Variants in SPTLC3 observed in about 807,000 individuals in gnomAD.
SPTLC3 encodes serine palmitoyltransferase 3.
A neutral mutation model predicts 59.3 loss-of-function variants in SPTLC3; 36 were observed. The ratio of observed to expected loss-of-function variants is 0.61; its 90% CI spans 0.47 to 0.80. SPTLC3 has a LOEUF of 0.80. SPTLC3 is among the 30% of genes least tolerant of loss of function. The pLI is 0.00. For synonymous variants in SPTLC3, 257 were observed against 240.8 expected, an observed-to-expected ratio of 1.07 and a Z score of -0.62; for missense variants, 625 against 685.1, an observed-to-expected ratio of 0.91 and a Z score of 0.98.
intron 1 of SPTLC3, among the ~76,000 whole-genome samples, chr20:13,039,306 G>T (rs1273484469): frequency 6.6e-6 from 1 of 151,988 alleles, no homozygotes; most frequent in Non-Finnish European, 1.5e-5. Context: ...GATGGTAGAT[G>T]CATACATGTT....
At chr20:13,067,008 T>C (rs1179570560) in intron 2 of SPTLC3, among the ~76,000 whole-genome samples, 5 of 112,360 alleles carry the variant, frequency 4.4e-5, no homozygotes, top group Admixed American at 9.4e-5. Context: ...AATGGGTGCA[T>C]TGTTCTGTTA....
chr20:13,064,017 T>C (rs2122544548), intron 2 of SPTLC3, among the ~76,000 whole-genome samples: 1 of 151,396 alleles, frequency 6.6e-6, no homozygotes, highest in South Asian at 2.1e-4. Flanking sequence ...GTTCTTTTCT[T>C]TTCTTTTCTT....
At chr20:13,102,429 G>A (rs1388407856) in intron 6 of SPTLC3, among the ~76,000 whole-genome samples, 2 of 152,202 alleles carry the variant, frequency 1.3e-5, no homozygotes, top group African/African-American at 4.8e-5. Context: ...GTGGTGAAGT[G>A]ACTTAGATAC....
chr20:13,142,906 G>GCC (rs1310227968), intron 9 of SPTLC3, among the ~76,000 whole-genome samples: 2 of 151,182 alleles, frequency 1.3e-5, no homozygotes, highest in Non-Finnish European at 2.9e-5. Flanking sequence ...CAAATACCCC[G>GCC]CCTCTCTCTC....
At chr20:13,063,665 A>ATTTT (rs1373157243) in intron 2 of SPTLC3, among the ~76,000 whole-genome samples, 16 of 150,176 alleles carry the variant, frequency 1.1e-4, no homozygotes, top group African/African-American at 1.7e-4. Context: ...TTATTTATTT[A>ATTTT]TTTTTTGAGA....
intron 9 of SPTLC3, among the ~76,000 whole-genome samples, chr20:13,153,673 G>C (rs2038701132): frequency 6.6e-6 from 1 of 152,134 alleles, no homozygotes; most frequent in Non-Finnish European, 1.5e-5. Context: ...CCCTTCTCTT[G>C]AGTTGATGTT....
intron 2 of SPTLC3, among the ~76,000 whole-genome samples, chr20:13,059,053 G>T (rs1157093684): frequency 3.3e-5 from 5 of 152,198 alleles, no homozygotes; most frequent in African/African-American, 1.2e-4. Flanking sequence ...GGACATCTGG[G>T]CACCAGCAAG....
chr20:13,031,932 C>T (rs1986492356), intron 1 of SPTLC3, among the ~76,000 whole-genome samples: 3 of 152,154 alleles, frequency 2.0e-5, no homozygotes, highest in Admixed American at 6.6e-5. Flanking sequence ...AGGCAAGTTG[C>T]TTAATGTCCT....
At chr20:13,014,075 A>G (rs1985394681) in intron 1 of SPTLC3, among the ~76,000 whole-genome samples, 1 of 152,212 alleles carries the variant, frequency 6.6e-6, no homozygotes, top group African/African-American at 2.4e-5. Context: ...TAAGAGAGTA[A>G]AAATAGAAAC....
chr20:13,143,460 T>C (rs774223923), intron 9 of SPTLC3, among the ~76,000 whole-genome samples: 8 of 152,244 alleles, frequency 5.3e-5, no homozygotes, highest in Non-Finnish European at 1.2e-4. Flanking sequence ...ATCCTTGTCA[T>C]GATTCCCATT....
intron 2 of SPTLC3, 105 bp downstream of exon 2, chr20:13,049,235 A>T (rs767931892): frequency 1.5e-6 from 2 of 1,301,190 alleles, no homozygotes; most frequent in Admixed American, 3.7e-5. Context: ...TGAGGTGCTC[A>T]GGAACTATTC....
At chr20:13,131,333 T>C (rs111291826) in intron 9 of SPTLC3, among the ~76,000 whole-genome samples, 1 of 152,212 alleles carries the variant, frequency 6.6e-6, no homozygotes, top group African/African-American at 2.4e-5. Context: ...TGCTCTGCAG[T>C]GGTGCCCGGC....
chr20:13,074,141 T>A, intron 3 of SPTLC3: 1 of 736,048 alleles, frequency 1.4e-6, no homozygotes, highest in Non-Finnish European at 2.5e-6. Context: ...GCTGAGGGGG[T>A]CTGGATCCTC....
chr20:13,021,745 T>C (rs1164132200), intron 1 of SPTLC3, among the ~76,000 whole-genome samples: 1 of 152,206 alleles, frequency 6.6e-6, no homozygotes, highest in Non-Finnish European at 1.5e-5. Flanking sequence ...TTGTTTGATG[T>C]GCTCTCGTGG....
chr20:13,154,515 G>A (rs530048312), intron 10 of SPTLC3, among the ~76,000 whole-genome samples: 1 of 152,118 alleles, frequency 6.6e-6, no homozygotes, highest in Non-Finnish European at 1.5e-5. Context: ...ATGTGATCAG[G>A]CTCTGTGCTT....
Position 13,048,975 on chromosome 20 carries a change from C to T in SPTLC3, c.148C>T (p.Leu50Phe). 3.2e-6 allele frequency: 5 copies of T among 1,581,640 alleles called. No homozygotes were observed. Among genetic ancestry groups the T allele is most frequent in the Non-Finnish European group, 4.3e-6 (5 of 1,169,318 alleles). The change falls in exon 2 of 12, where the codon CTC becomes TTC. Residue 50 changes from leucine (L) to phenylalanine (F), a missense_variant. Coordinates refer to ENST00000399002, the MANE Select transcript of SPTLC3 (RefSeq NM_018327.4). Reference protein sequence around the residue: ...QNGKPHFYDKLIVESFEEAPL... With the variant: ...QNGKPHFYDKFIVESFEEAPL... ...TGGGAAGCCACATTTTTATGATAAG[C>T]TCATTGTTGAATCGTTTGAGGAAGC...
rs1336064002 is a variant in SPTLC3, at chr20:13,129,550, A to G, written c.1279+2833A>G. Among the ~76,000 whole-genome samples, 3 of 152,382 alleles carry G rather than the reference A, an allele frequency of 2.0e-5. No individual in the cohort carries two copies. The East Asian group carries it at 5.8e-4, about 29-fold the overall frequency. On this transcript the variant is annotated intron_variant, in intron 9 of 11. Transcript: ENST00000399002. ...ATTCTTTGGTCTTGTTTTAAAGACA[A>G]GTGACTAGGAAAAAGTTATTCTAGA...
intron 6 of SPTLC3, among the ~76,000 whole-genome samples, chr20:13,100,994 A>T (rs1989582121): frequency 2.7e-5 from 2 of 75,118 alleles, no homozygotes; most frequent in Admixed American, 3.4e-4. Flanking sequence ...CACAGGAAGC[A>T]CCAGTAGGTG....
intron 3 of SPTLC3, 131 bp downstream of exon 3, chr20:13,072,541 CA>C: frequency 1.0e-6 from 1 of 997,254 alleles, no homozygotes; most frequent in South Asian, 1.9e-5. Context: ...TATGCCTTTG[CA>C]AGCCCTCCTG....
Sources: gnomAD v4.1 joint callset for allele counts (sites outside exome capture counted in the v4.1 genomes callset) on GRCh38, gnomAD v4.1.1 for gene constraint, MANE v1.5 for transcripts, NCBI Gene and HGNC (gene_info 2026-07-23, HGNC 2026-07-21) for gene names.